Variants in EPB41L2 observed in about 807,000 individuals in gnomAD.
EPB41L2 encodes erythrocyte membrane protein band 4.1 like 2.
A neutral mutation model predicts 113.0 loss-of-function variants in EPB41L2; 43 were observed. The observed-to-expected ratio is 0.38, with a 90% CI of 0.30 to 0.49. The LOEUF (loss-of-function observed/expected upper bound fraction) is 0.49. Ranked by LOEUF, EPB41L2 falls within the 20% of genes least tolerant of loss-of-function variation. EPB41L2 has a pLI of 0.95. For synonymous variants in EPB41L2, 442 were observed against 436.7 expected (o/e 1.01, Z -0.15); for missense variants, 1,147 against 1,223.4 (o/e 0.94, Z 0.93).
chr6:130,937,776 A>G (rs1173548837), intron 3 of EPB41L2, among the ~76,000 whole-genome samples: 1 of 149,788 alleles, frequency 6.7e-6, no homozygotes, highest in African/African-American at 2.5e-5. Context: ...AGATCGTGCC[A>G]CTGCCCTCCG....
intron 1 of EPB41L2, among the ~76,000 whole-genome samples, chr6:130,984,331 C>G (rs1041789406): frequency 6.6e-6 from 1 of 152,192 alleles, no homozygotes; most frequent in Non-Finnish European, 1.5e-5. Context: ...AATACATAAA[C>G]CAGTAACATA....
intron 19 of EPB41L2, among the ~76,000 whole-genome samples, chr6:130,853,997 G>C (rs774585153): frequency 2.6e-5 from 4 of 152,138 alleles, no homozygotes; most frequent in Admixed American, 6.5e-5. Context: ...GCAGCCAGTG[G>C]GGGGTGGAGA....
intron 14 of EPB41L2, 95 bp downstream of exon 14, chr6:130,878,009 T>C (rs1326897126): frequency 8.0e-7 from 1 of 1,255,114 alleles, no homozygotes; most frequent in African/African-American, 1.6e-5. Context: ...ATGGGAACAT[T>C]TTGTAACTTC....
intron 3 of EPB41L2, among the ~76,000 whole-genome samples, chr6:130,944,200 C>T (rs1811967151): frequency 6.6e-6 from 1 of 151,220 alleles, no homozygotes; most frequent in African/African-American, 2.4e-5. Flanking sequence ...CACACACACA[C>T]ACACACAAAT....
At chr6:131,002,603 G>C (rs887150378) in intron 1 of EPB41L2, among the ~76,000 whole-genome samples, 18 of 152,210 alleles carry the variant, frequency 1.2e-4, no homozygotes, top group Admixed American at 9.2e-4. Context: ...TGGCATGTGA[G>C]ATGATAGTTA....
intron 14 of EPB41L2, chr6:130,876,755 G>T (rs1400114917): frequency 1.5e-6 from 2 of 1,303,756 alleles, no homozygotes; most frequent in African/African-American, 3.0e-5. Flanking sequence ...AAATATCCTT[G>T]AAAAGATGGT....
intron 1 of EPB41L2, among the ~76,000 whole-genome samples, chr6:131,008,457 G>A (rs1786115976): frequency 6.6e-6 from 1 of 152,254 alleles, no homozygotes; most frequent in South Asian, 2.1e-4. Flanking sequence ...ACCTCTGCTA[G>A]GGCAGTGCGG....
intron 1 of EPB41L2, among the ~76,000 whole-genome samples, chr6:131,023,313 TTTA>T (rs202175338): frequency 0.026 from 3,964 of 152,316 alleles, 188 homozygotes; most frequent in African/African-American, 0.091. Flanking sequence ...TTATTTCTTA[TTTA>T]TTTTCCTGTG....
intron 1 of EPB41L2, among the ~76,000 whole-genome samples, chr6:131,062,826 GC>G (rs1233084137): frequency 1.3e-5 from 2 of 151,904 alleles, no homozygotes; most frequent in Non-Finnish European, 2.9e-5. Flanking sequence ...CCGGGACGCG[GC>G]CCCGGTCCCC....
At chr6:130,883,916 AG>A (rs1790077720) in intron 12 of EPB41L2, among the ~76,000 whole-genome samples, 1 of 152,188 alleles carries the variant, frequency 6.6e-6, no homozygotes, top group Non-Finnish European at 1.5e-5. Context: ...GTGGTCCCTG[AG>A]ACCTTCTCCA....
chr6:130,904,382 G>T, intron 6 of EPB41L2, 83 bp downstream of exon 6: 1 of 920,870 alleles, frequency 1.1e-6, no homozygotes, highest in Non-Finnish European at 1.6e-6. Flanking sequence ...TTTCAATCCT[G>T]AAATTACCAC....
chr6:130,906,359 C>T (rs553840985), intron 5 of EPB41L2, among the ~76,000 whole-genome samples: 2 of 151,960 alleles, frequency 1.3e-5, no homozygotes, highest in African/African-American at 2.4e-5. Context: ...CATTTTGGTA[C>T]AAAATATGAT....
intron 1 of EPB41L2, among the ~76,000 whole-genome samples, chr6:130,998,381 G>A (rs1783628647): frequency 6.6e-6 from 1 of 152,114 alleles, no homozygotes; most frequent in Admixed American, 6.5e-5. Context: ...GGGGGTGTAG[G>A]GGAAATTGGG....
chr6:130,938,047 A>T (rs1809491137), intron 3 of EPB41L2, among the ~76,000 whole-genome samples: 1 of 152,226 alleles, frequency 6.6e-6, no homozygotes, highest in African/African-American at 2.4e-5. Context: ...GTAGAAGACA[A>T]GTTACAATGC....
chr6:130,959,835 G>C (rs1177424854), intron 1 of EPB41L2, among the ~76,000 whole-genome samples: 1 of 152,146 alleles, frequency 6.6e-6, no homozygotes, highest in East Asian at 1.9e-4. Context: ...CCCCATACTT[G>C]TCTAAGCTAA....
intron 3 of EPB41L2, among the ~76,000 whole-genome samples, chr6:130,936,026 A>C (rs1808668161): frequency 1.3e-5 from 2 of 152,220 alleles, no homozygotes; most frequent in Admixed American, 1.3e-4. Context: ...AATTTTATAC[A>C]AAAAAAGTTT....
At position 130,900,973 on chromosome 6, in the gene EPB41L2, G is replaced by A. The variant is rs775113915; in HGVS notation, c.1137C>T (p.His379=). 3.1e-6 allele frequency: 5 copies of A among 1,613,964 alleles called. No individual in the cohort carries two copies. The Admixed American group carries it at 6.7e-5, about 22-fold the overall frequency. The change falls in exon 7 of 20, where the codon CAC becomes CAT. Residue 379 remains histidine (H), a synonymous_variant. Coordinates refer to ENST00000337057, the MANE Select transcript of EPB41L2 (RefSeq NM_001431.4). ...GCAAGGCAACAGACCTGTGGGTTTT[G>A]TGCAGCTCTGCCACCTTCTCTTCCA... ...KELEEKVAEL[H]KTHRGLSPAQ...
intron 1 of EPB41L2, among the ~76,000 whole-genome samples, chr6:131,053,527 C>G (rs1042951245): frequency 6.6e-6 from 1 of 151,982 alleles, no homozygotes; most frequent in Non-Finnish European, 1.5e-5. Flanking sequence ...AGGCAGCCCC[C>G]CTGAGCTCCA....
intron 16 of EPB41L2, among the ~76,000 whole-genome samples, chr6:130,866,635 C>A (rs766606445): frequency 6.6e-6 from 1 of 152,196 alleles, no homozygotes; most frequent in Non-Finnish European, 1.5e-5. Flanking sequence ...ATGCATTAAA[C>A]CTTTTAAAAA....
Sources: gnomAD v4.1 joint callset for allele counts (sites outside exome capture counted in the v4.1 genomes callset) on GRCh38, gnomAD v4.1.1 for gene constraint, MANE v1.5 for transcripts, NCBI Gene and HGNC (gene_info 2026-07-23, HGNC 2026-07-21) for gene names.